SLC7A8: variants seen among roughly 807,000 people sequenced by gnomAD.
The protein encoded by SLC7A8 is solute carrier family 7 member 8.
In SLC7A8, 30 loss-of-function variants were observed where a neutral mutation model predicts 51.2. The observed-to-expected ratio is 0.59, with a 90% CI of 0.44 to 0.80. The LOEUF (loss-of-function observed/expected upper bound fraction) is 0.80, where lower values mean the gene tolerates loss of function less well. Among genes scored for constraint, SLC7A8 ranks in the 30% least tolerant of loss-of-function variants. The pLI, the probability that SLC7A8 is intolerant of heterozygous loss-of-function variation, is 0.00. For synonymous variants in SLC7A8, 257 were observed against 275.8 expected, an observed-to-expected ratio of 0.93 and a Z score of 0.67; for missense variants, 612 against 674.4, an observed-to-expected ratio of 0.91 and a Z score of 1.03.
chr14:23,129,277 T>G (rs2048609192), intron 9 of SLC7A8: 1 of 174,490 alleles, frequency 5.7e-6, no homozygotes, highest in Non-Finnish European at 1.2e-5. Context: ...AGGAAGTCAT[T>G]CTGGGATGGA....
At chr14:23,170,464 CTT>C (rs900437787) in intron 1 of SLC7A8, among the ~76,000 whole-genome samples, 1 of 151,290 alleles carries the variant, frequency 6.6e-6, no homozygotes, top group Non-Finnish European at 1.5e-5. Context: ...TTCGTTCTTT[CTT>C]TTTTTTTGTT....
At chr14:23,182,253 A>G (rs1877214617) in intron 1 of SLC7A8, among the ~76,000 whole-genome samples, 1 of 152,192 alleles carries the variant, frequency 6.6e-6, no homozygotes, top group South Asian at 2.1e-4. Flanking sequence ...AGTGCTGCAT[A>G]AGGTGGAAAA....
chr14:23,128,482 C>A lies in SLC7A8; in HGVS notation c.1264-286G>T. On this transcript the variant is annotated intron_variant, in intron 9 of 10. Coordinates refer to ENST00000316902, the MANE Select transcript of SLC7A8 (RefSeq NM_012244.4). The surrounding 1 kb of genome is among the most constrained non-coding windows in gnomAD (Gnocchi z 4.3). The stretch of plus-strand genomic sequence containing the variant: ...CGCTCTTGGGTGTGGTTAGACAAGG[C>A]CTCATCATGCATGCCATGTGCCCGT... The A allele has an allele frequency of 1.1e-6, 1 of 902,918 alleles. No individual in the cohort carries two copies. The highest frequency in any genetic ancestry group is 1.5e-5 in the South Asian group (1 of 67,612). 55.9% of individuals were successfully genotyped at this position (902,918 alleles called of 1,614,324 possible).
At chr14:23,163,602 T>G (rs988723794) in intron 3 of SLC7A8, among the ~76,000 whole-genome samples, 1 of 151,950 alleles carries the variant, frequency 6.6e-6, no homozygotes, top group African/African-American at 2.4e-5. Flanking sequence ...AGTGATCTCT[T>G]CCTCCCCCAT....
chr14:23,167,803 T>G (rs1229053882), intron 1 of SLC7A8, among the ~76,000 whole-genome samples: 3 of 152,110 alleles, frequency 2.0e-5, no homozygotes, highest in Non-Finnish European at 4.4e-5. Flanking sequence ...TGGATTTGAC[T>G]GTGTTCTAAG....
intron 7 of SLC7A8, among the ~76,000 whole-genome samples, chr14:23,132,825 G>A (rs1202956871): frequency 3.3e-5 from 5 of 151,936 alleles, no homozygotes; most frequent in Admixed American, 2.6e-4. Context: ...TGGTGGAGAC[G>A]GGGTTTCTCC....
intron 3 of SLC7A8, chr14:23,155,130 C>T (rs2048882292): frequency 1.3e-6 from 2 of 1,524,908 alleles, no homozygotes; most frequent in Non-Finnish European, 1.8e-6. Flanking sequence ...AGTAACATTT[C>T]CCCTTCTCCA....
At chr14:23,141,934 G>A (rs575061343) in intron 4 of SLC7A8, among the ~76,000 whole-genome samples, 1 of 152,314 alleles carries the variant, frequency 6.6e-6, no homozygotes, top group African/African-American at 2.4e-5. Context: ...TTCATCTGCA[G>A]TTTAGCATTG....
At chr14:23,147,675 C>G (rs565282688) in intron 3 of SLC7A8, among the ~76,000 whole-genome samples, 1 of 152,282 alleles carries the variant, frequency 6.6e-6, no homozygotes, top group African/African-American at 2.4e-5. Flanking sequence ...CTCTTTCTTT[C>G]TTGCTTCCTG....
At chr14:23,180,031 G>C (rs535818131) in intron 1 of SLC7A8, among the ~76,000 whole-genome samples, 2 of 151,198 alleles carry the variant, frequency 1.3e-5, no homozygotes, top group South Asian at 2.1e-4. Context: ...TCAGCCTCAC[G>C]AGTAGCTGGG....
chr14:23,151,749 T>TAAAA (rs60024939), intron 3 of SLC7A8, among the ~76,000 whole-genome samples: 1 of 100,898 alleles, frequency 9.9e-6, no homozygotes, highest in Non-Finnish European at 2.0e-5. Context: ...CCCTGTCTCT[T>TAAAA]AAAAAAAAAA....
intron 3 of SLC7A8, among the ~76,000 whole-genome samples, chr14:23,158,965 C>T (rs2048907894): frequency 6.6e-6 from 1 of 152,192 alleles, no homozygotes; most frequent in Admixed American, 6.5e-5. Context: ...CAGTGATTCC[C>T]TGTTCCTTGG....
intron 3 of SLC7A8, among the ~76,000 whole-genome samples, chr14:23,151,749 T>TAAAAAAA (rs60024939): frequency 2.0e-5 from 2 of 100,870 alleles, no homozygotes; most frequent in Admixed American, 1.1e-4. Context: ...CCCTGTCTCT[T>TAAAAAAA]AAAAAAAAAA....
chr14:23,162,539 A>AG (rs1485461122), intron 3 of SLC7A8, among the ~76,000 whole-genome samples: 2 of 152,102 alleles, frequency 1.3e-5, no homozygotes, highest in Non-Finnish European at 2.9e-5. Context: ...GGAATAGAGG[A>AG]GGGGGGTCTT....
intron 3 of SLC7A8, among the ~76,000 whole-genome samples, chr14:23,147,423 G>A (rs1372457312): frequency 1.3e-5 from 2 of 152,184 alleles, no homozygotes; most frequent in Non-Finnish European, 2.9e-5. Flanking sequence ...AGCTATTCAC[G>A]GAAGCTAGTG....
intron 3 of SLC7A8, among the ~76,000 whole-genome samples, chr14:23,148,479 C>T (rs997036735): frequency 2.6e-5 from 4 of 152,304 alleles, no homozygotes; most frequent in Non-Finnish European, 4.4e-5. Context: ...CCACCCACCT[C>T]GGCCTCCCAA....
intron 3 of SLC7A8, among the ~76,000 whole-genome samples, chr14:23,156,905 C>T (rs1408926524): frequency 2.0e-5 from 3 of 152,168 alleles, no homozygotes; most frequent in African/African-American, 7.2e-5. Context: ...AGAAGAGACA[C>T]TATGGGAATC....
intron 1 of SLC7A8, among the ~76,000 whole-genome samples, chr14:23,180,893 G>A (rs930167395): frequency 5.9e-5 from 9 of 152,174 alleles, no homozygotes; most frequent in African/African-American, 1.9e-4. Flanking sequence ...AGGGCGTGGT[G>A]GTGGGCGCCT....
Position 23,127,246 on chromosome 14 carries a change from C to A in SLC7A8, c.1539G>T (p.Glu513Asp). The A allele has an allele frequency of 6.2e-7, 1 of 1,614,110 alleles. No homozygotes were observed. ...TGGGTTGGTACATGGGCTGCTGCTG[C>A]TCCTCCATGTCCTCATTAGCCTCCT... The part of the protein sequence containing the change: ...GTEEANEDME[E>D]QQQPMYQPTP... Residue 513 changes from glutamate to aspartate, a missense_variant, in exon 11 of 11, where the codon GAG (glutamate) becomes GAT (aspartate). Glu to Asp is a conservative substitution (Grantham distance 45). Coordinates refer to ENST00000316902, the MANE Select transcript of SLC7A8 (RefSeq NM_012244.4).
Sources: gnomAD v4.1 joint callset for allele counts (sites outside exome capture counted in the v4.1 genomes callset) on GRCh38, gnomAD v4.1.1 for gene constraint, Gnocchi (gnomAD v3.1) non-coding constraint, MANE v1.5 for transcripts, NCBI Gene and HGNC (gene_info 2026-07-23, HGNC 2026-07-21) for gene names.